Variants in BCL2L13 observed in about 807,000 individuals in gnomAD.
BCL2L13 encodes the protein BCL2 like 13.
Under a neutral mutation model 25.8 loss-of-function variants are expected in BCL2L13, and 13 were observed. That is an observed-to-expected ratio of 0.50 (90% CI 0.33 to 0.80). The LOEUF (loss-of-function observed/expected upper bound fraction) is 0.80. Among genes scored for constraint, BCL2L13 ranks in the 30% least tolerant of loss-of-function variants. The pLI is 0.02. For missense variants in BCL2L13, 504 were observed against 574.9 expected, an observed-to-expected ratio of 0.88 and a Z score of 1.26; for synonymous variants, 244 against 230.3, an observed-to-expected ratio of 1.06 and a Z score of -0.54.
intron 1 of BCL2L13, among the ~76,000 whole-genome samples, chr22:17,644,600 G>T (rs946449359): frequency 3.3e-5 from 5 of 151,268 alleles, no homozygotes; most frequent in Non-Finnish European, 5.9e-5. Context: ...AAAGTGCTGG[G>T]ATTATAGGTA....
intron 2 of BCL2L13, among the ~76,000 whole-genome samples, chr22:17,663,097 G>A (rs951481412): frequency 6.6e-5 from 10 of 151,992 alleles, no homozygotes; most frequent in African/African-American, 1.7e-4. Flanking sequence ...TCTCAAACTC[G>A]TGGGCTCAAG....
chr22:17,715,170 A>T (rs2535673), intron 6 of BCL2L13, among the ~76,000 whole-genome samples: 2,320 of 11,024 alleles, frequency 0.21, 272 homozygotes, highest in East Asian at 0.45. Flanking sequence ...ATATATATAT[A>T]TTTTTTTTTT....
intron 6 of BCL2L13, among the ~76,000 whole-genome samples, chr22:17,706,145 G>A (rs1205612348): frequency 1.3e-5 from 2 of 152,074 alleles, no homozygotes; most frequent in Non-Finnish European, 2.9e-5. Context: ...CTCCCTAGTA[G>A]CTGGGACCAC....
chr22:17,648,177 A>C (rs946944157), intron 1 of BCL2L13, among the ~76,000 whole-genome samples: 1 of 152,052 alleles, frequency 6.6e-6, no homozygotes, highest in African/African-American at 2.4e-5. Flanking sequence ...TAGACACTGC[A>C]GAATGTTGCA....
intron 1 of BCL2L13, among the ~76,000 whole-genome samples, chr22:17,640,898 A>AT (rs11443889): frequency 0.39 from 57,192 of 145,458 alleles, 12,187 homozygotes; most frequent in East Asian, 0.74. Context: ...ATATATATAT[A>AT]TTTTTTTTTT....
In BCL2L13 at chr22:17,680,188, C is replaced by T. The variant is rs115941540; in HGVS notation, c.122-3026C>T. Among the ~76,000 whole-genome samples, 926 of 119,442 alleles carry T rather than the reference C, an allele frequency of 7.8e-3. 5 individuals carry two copies. Among genetic ancestry groups the T allele is most frequent in the African/African-American group, 0.028 (884 of 31,310 alleles). The allele number at this position is 119,442 out of a possible 152,430, so 78.4% of individuals were successfully genotyped here. Reference sequence around the variant, plus strand: ...CGAGATTGTGCTATTGCACTCCAGCCTGGGCAGCAAGGGCGTAACTCTCTC... The same window carrying T: ...CGAGATTGTGCTATTGCACTCCAGCTTGGGCAGCAAGGGCGTAACTCTCTC... On this transcript the variant is annotated intron_variant, in intron 2 of 6. Coordinates refer to ENST00000317582, the MANE Select transcript of BCL2L13 (RefSeq NM_015367.4).
At chr22:17,647,937 G>A (rs2058550155) in intron 1 of BCL2L13, among the ~76,000 whole-genome samples, 1 of 152,038 alleles carries the variant, frequency 6.6e-6, no homozygotes, top group Admixed American at 6.6e-5. Flanking sequence ...GACCATCCTG[G>A]CTAACACGGT....
At chr22:17,705,762 A>G (rs774963950) in intron 6 of BCL2L13, among the ~76,000 whole-genome samples, 3 of 152,110 alleles carry the variant, frequency 2.0e-5, no homozygotes, top group Non-Finnish European at 4.4e-5. Context: ...TCTGTTATAT[A>G]AAGCCTGTGG....
intron 1 of BCL2L13, among the ~76,000 whole-genome samples, chr22:17,633,142 A>C (rs1328184084): frequency 6.6e-6 from 1 of 152,142 alleles, no homozygotes; most frequent in African/African-American, 2.4e-5. Context: ...CACTACCCAA[A>C]ATTAACAATT....
intron 1 of BCL2L13, among the ~76,000 whole-genome samples, chr22:17,648,902 A>C (rs1179280943): frequency 6.6e-6 from 1 of 152,148 alleles, no homozygotes; most frequent in East Asian, 1.9e-4. Flanking sequence ...TAAATACAAC[A>C]AATTTGAATA....
In BCL2L13 at chr22:17,702,379, G is replaced by A. The variant is rs769195026; in HGVS notation, c.593G>A (p.Gly198Asp). ...DYSAEYIIQQ[G>D]GWGTVFSLES... is the part of the protein sequence containing the mutation. ...TCGGCAGAGTACATCATTCAGCAAG[G>A]TGGCTGGGTATGAGCTGTTATATAT... The change falls in exon 6 of 7, where the codon GGT (glycine) becomes GAT (aspartate). Residue 198 changes from glycine to aspartate, a missense_variant. Coordinates refer to ENST00000317582, the MANE Select transcript of BCL2L13 (RefSeq NM_015367.4). 29 of 1,588,332 alleles carry A rather than the reference G, an allele frequency of 1.8e-5. No homozygotes were observed. The highest frequency in any genetic ancestry group is 7.4e-5 in the Admixed American group (4 of 54,346).
intron 6 of BCL2L13, among the ~76,000 whole-genome samples, chr22:17,722,239 T>C (rs2061159077): frequency 6.6e-6 from 1 of 152,122 alleles, no homozygotes; most frequent in Non-Finnish European, 1.5e-5. Context: ...TCTGTTTTTT[T>C]TGGAATTGAG....
intron 1 of BCL2L13, among the ~76,000 whole-genome samples, chr22:17,633,312 G>A (rs1206715205): frequency 6.6e-6 from 1 of 152,152 alleles, no homozygotes; most frequent in Admixed American, 6.6e-5. Flanking sequence ...GCCAGGTCCT[G>A]TCTGAAAAGA....
At chr22:17,721,865 T>G (rs564894430) in intron 6 of BCL2L13, among the ~76,000 whole-genome samples, 1 of 151,888 alleles carries the variant, frequency 6.6e-6, no homozygotes, top group Admixed American at 6.5e-5. Flanking sequence ...TTTCACCGTG[T>G]TAGCCAGGAT....
intron 6 of BCL2L13, among the ~76,000 whole-genome samples, chr22:17,706,344 TC>T (rs1200565038): frequency 1.3e-5 from 2 of 151,464 alleles, no homozygotes; most frequent in East Asian, 3.9e-4. Flanking sequence ...TTTTTTTTTT[TC>T]ACTCTGCCTT....
intron 3 of BCL2L13, among the ~76,000 whole-genome samples, chr22:17,685,126 G>A (rs1031184797): frequency 2.6e-5 from 4 of 152,154 alleles, no homozygotes; most frequent in Admixed American, 6.6e-5. Flanking sequence ...CGCCCACCTC[G>A]GTCTCCCAAA....
rs2059849017 is a variant in BCL2L13, at chr22:17,684,467, A to G, written c.229+1146A>G. ...CCATTCCCACTAGCCCCAGGCCCCA[A>G]CCCCACCCCACACCAGGCACCCACT... On this transcript the variant is annotated intron_variant, in intron 3 of 6. Transcript: ENST00000317582. 24 of 417,240 alleles carry G rather than the reference A, an allele frequency of 5.8e-5. 1 individual carries two copies. The highest frequency in any genetic ancestry group is 4.2e-4 in the South Asian group (24 of 57,118). 25.8% of individuals were successfully genotyped at this position (417,240 alleles called of 1,614,324 possible). A position where few individuals can be genotyped will look rare whatever the true frequency, so the allele number is the denominator to read the frequency against.
At chr22:17,658,369 A>G (rs2058953837) in intron 2 of BCL2L13, among the ~76,000 whole-genome samples, 2 of 152,054 alleles carry the variant, frequency 1.3e-5, no homozygotes, top group African/African-American at 4.8e-5. Context: ...AGAGGTCTAT[A>G]ATTACCAGAG....
At chr22:17,655,973 T>A in intron 2 of BCL2L13, 141 bp downstream of exon 2, 1 of 821,844 alleles carries the variant, frequency 1.2e-6, no homozygotes, top group Non-Finnish European at 1.7e-6. Context: ...CTGGGCGCGG[T>A]GGCTCACACC....
Sources: gnomAD v4.1 joint callset for allele counts (sites outside exome capture counted in the v4.1 genomes callset) on GRCh38, gnomAD v4.1.1 for gene constraint, MANE v1.5 for transcripts, NCBI Gene and HGNC (gene_info 2026-07-23, HGNC 2026-07-21) for gene names.